ADCY2: variants seen among roughly 807,000 people sequenced by gnomAD.
ADCY2 encodes adenylate cyclase type 2.
A neutral mutation model predicts 125.2 loss-of-function variants in ADCY2; 31 were observed. That is an observed-to-expected ratio of 0.25 (90% CI 0.19 to 0.33). The LOEUF (loss-of-function observed/expected upper bound fraction) is 0.33, where lower values mean the gene tolerates loss of function less well. ADCY2 is among the 10% of genes least tolerant of loss of function. ADCY2 has a pLI of 1.00. For missense variants in ADCY2, 904 were observed against 1,418.2 expected (o/e 0.64, Z 5.82); for synonymous variants, 512 against 548.4 (o/e 0.93, Z 0.93).
intron 9 of ADCY2, among the ~76,000 whole-genome samples, chr5:7,708,885 T>C (rs560553733): frequency 1.3e-5 from 2 of 152,292 alleles, no homozygotes; most frequent in South Asian, 4.1e-4. Flanking sequence ...ACTACAGTTA[T>C]CACTTTAGAA....
intron 2 of ADCY2, among the ~76,000 whole-genome samples, chr5:7,513,106 C>CACAG (rs777343291): frequency 0.2 from 28,171 of 137,748 alleles, 3,637 homozygotes; most frequent in Middle Eastern, 0.3. Context: ...CACACACACA[C>CACAG]AGAGAGAGAG....
At chr5:7,779,688 G>A (rs943744350) in intron 18 of ADCY2, among the ~76,000 whole-genome samples, 3 of 152,154 alleles carry the variant, frequency 2.0e-5, no homozygotes, top group Admixed American at 6.5e-5. Flanking sequence ...GCACTGGCAT[G>A]TCTGGCTTGG....
chr5:7,766,629 C>G (rs761926358), intron 16 of ADCY2, 58 bp from the exon 17 acceptor site: 51 of 1,578,458 alleles, frequency 3.2e-5, no homozygotes, highest in Non-Finnish European at 4.1e-5. Context: ...TAGCACCCAC[C>G]TGCTAGTTAT....
intron 2 of ADCY2, among the ~76,000 whole-genome samples, chr5:7,512,283 T>C (rs7711770): frequency 0.023 from 3,295 of 146,330 alleles, 121 homozygotes; most frequent in African/African-American, 0.079. Flanking sequence ...ATTACTGTTA[T>C]CAGATTTAAC....
At chr5:7,813,635 G>A (rs974595190) in intron 22 of ADCY2, among the ~76,000 whole-genome samples, 1 of 152,174 alleles carries the variant, frequency 6.6e-6, no homozygotes, top group African/African-American at 2.4e-5. Context: ...GAAATGAATT[G>A]AGTTCTTCTA....
intron 2 of ADCY2, among the ~76,000 whole-genome samples, chr5:7,468,936 A>G (rs868657040): frequency 6.6e-6 from 1 of 152,258 alleles, no homozygotes; most frequent in South Asian, 2.1e-4. Flanking sequence ...ATTCATGCCA[A>G]AGCTATATCA....
At chr5:7,584,759 A>G (rs1579599458) in intron 3 of ADCY2, among the ~76,000 whole-genome samples, 1 of 152,188 alleles carries the variant, frequency 6.6e-6, no homozygotes, top group Non-Finnish European at 1.5e-5. Context: ...TTATGGAGAA[A>G]GCTTCAACAT....
intron 1 of ADCY2, among the ~76,000 whole-genome samples, chr5:7,407,136 A>G (rs1337005987): frequency 1.3e-5 from 2 of 152,216 alleles, no homozygotes; most frequent in African/African-American, 4.8e-5. Flanking sequence ...TGTGTGGCCC[A>G]TTGTCAACGT....
chr5:7,766,560 C>T lies in ADCY2; in HGVS notation c.2095-127C>T, dbSNP rs964449904. 4 of 881,438 alleles carry T rather than the reference C, an allele frequency of 4.5e-6. No homozygotes were observed. The African/African-American group carries it at 5.3e-5, about 12-fold the overall frequency. The allele number at this position is 881,438 out of a possible 1,614,324, so 54.6% of individuals were successfully genotyped here. On this transcript the variant is annotated intron_variant, in intron 16 of 24. Transcript: ENST00000338316. ...GTTAATTACTTATTCAATAGAAATTCCCGAGTCCACATAAACAATCCTGTT... is the reference window on the plus strand; with the variant it reads ...GTTAATTACTTATTCAATAGAAATTTCCGAGTCCACATAAACAATCCTGTT...
chr5:7,721,970 G>A (rs946483150), intron 12 of ADCY2, among the ~76,000 whole-genome samples: 17 of 152,180 alleles, frequency 1.1e-4, no homozygotes, highest in African/African-American at 3.9e-4. Context: ...AGTGGGAGTG[G>A]AGGCCACCTC....
At chr5:7,784,501 TTAA>T in intron 19 of ADCY2, 52 bp downstream of exon 19, 1 of 1,309,562 alleles carries the variant, frequency 7.6e-7, no homozygotes, top group Non-Finnish European at 1.1e-6. Context: ...AAGTGCTGTA[TTAA>T]TAGTGCTTTG....
chr5:7,629,805 G>T (rs1194863030), intron 4 of ADCY2, among the ~76,000 whole-genome samples: 1 of 152,148 alleles, frequency 6.6e-6, no homozygotes, highest in Admixed American at 6.5e-5. Flanking sequence ...GTTGCTCTCT[G>T]GGGTATGTAA....
chr5:7,647,245 C>T (rs189687043), intron 4 of ADCY2, among the ~76,000 whole-genome samples: 38 of 152,312 alleles, frequency 2.5e-4, no homozygotes, highest in African/African-American at 8.9e-4. Context: ...ATTTTTAACA[C>T]TCTGTGCCTC....
At chr5:7,652,208 C>T (rs1739120709) in intron 4 of ADCY2, among the ~76,000 whole-genome samples, 1 of 152,174 alleles carries the variant, frequency 6.6e-6, no homozygotes, top group Non-Finnish European at 1.5e-5. Flanking sequence ...GAACTATGAA[C>T]AGTACAAGTT....
intron 14 of ADCY2, among the ~76,000 whole-genome samples, chr5:7,733,562 G>T (rs954002650): frequency 1.3e-5 from 2 of 152,206 alleles, no homozygotes; most frequent in South Asian, 4.2e-4. Context: ...TACACATCAG[G>T]TGCTGGAGTT....
intron 2 of ADCY2, among the ~76,000 whole-genome samples, chr5:7,503,988 G>A (rs550293132): frequency 3.0e-4 from 46 of 152,260 alleles, no homozygotes; most frequent in African/African-American, 1.0e-3. Context: ...GTTTACCACC[G>A]CAGAAAGCAA....
At chr5:7,701,728 G>A (rs758365069) in intron 7 of ADCY2, among the ~76,000 whole-genome samples, 22 of 152,140 alleles carry the variant, frequency 1.4e-4, no homozygotes, top group Non-Finnish European at 2.8e-4. Context: ...GATATTTCAC[G>A]TAAATGGAAT....
At chr5:7,532,000 G>A (rs1437858839) in intron 3 of ADCY2, among the ~76,000 whole-genome samples, 1 of 152,138 alleles carries the variant, frequency 6.6e-6, no homozygotes, top group African/African-American at 2.4e-5. Context: ...CCCTTCTCTT[G>A]CCTGCTTAGG....
intron 3 of ADCY2, among the ~76,000 whole-genome samples, chr5:7,558,145 C>T (rs542518463): frequency 3.3e-5 from 5 of 151,942 alleles, no homozygotes; most frequent in African/African-American, 4.8e-5. Flanking sequence ...CCCTGCCACC[C>T]GGGTTTAAGT....
Sources: allele counts gnomAD v4.1 joint callset (sites outside exome capture counted in the v4.1 genomes callset), GRCh38; gene constraint gnomAD v4.1.1; transcripts MANE v1.5; gene names NCBI Gene and HGNC (gene_info 2026-07-23, HGNC 2026-07-21).